PPP1CA: variants seen among roughly 807,000 people sequenced by gnomAD.
The protein encoded by PPP1CA is protein phosphatase 1 catalytic subunit alpha.
PPP1CA carries 14 observed loss-of-function variants against 38.5 expected under a neutral mutation model. That is an observed-to-expected ratio of 0.36 (90% CI 0.24 to 0.57). The LOEUF (loss-of-function observed/expected upper bound fraction) is 0.57, where lower values mean the gene tolerates loss of function less well. PPP1CA is among the 20% of genes least tolerant of loss of function. The pLI is 0.80. For missense variants in PPP1CA, 277 were observed against 435.2 expected, an observed-to-expected ratio of 0.64 and a Z score of 3.23; for synonymous variants, 200 against 177.3, an observed-to-expected ratio of 1.13 and a Z score of -1.02.
chr11:67,401,257 C>T (rs1862882686), intron 1 of PPP1CA, 58 bp from the exon 2 acceptor site: 1 of 1,604,672 alleles, frequency 6.2e-7, no homozygotes. Flanking sequence ...GTGGGCGACA[C>T]GGGTGGCCCC....
intron 1 of PPP1CA, 43 bp downstream of exon 1, chr11:67,401,685 G>C: frequency 7.4e-7 from 1 of 1,357,580 alleles, no homozygotes; most frequent in South Asian, 1.7e-5. Context: ...CCGGGCAGGG[G>C]GCCAGGGCGC....
chr11:67,399,021 G>C lies in PPP1CA; in HGVS notation c.666C>G (p.Gly222=). The part of the protein sequence containing the change: ...DVQGWGENDR[G]VSFTFGAEVV... ...CCTCGGCTCCAAAGGTAAAAGAGAC[G>C]CCACGGTCGTTCTCGCCCCAGCCCT... The change falls in exon 5 of 7, where the codon GGC becomes GGG. Residue 222 remains glycine (G), a synonymous_variant. Transcript: ENST00000376745. 6.2e-7 allele frequency: 1 copy of C among 1,613,494 alleles called. No homozygotes were observed.
chr11:67,401,787 G>GCGC lies in PPP1CA; in HGVS notation c.-8_-6dup. Reference sequence around the variant, plus strand: ...GAGCTTCTCGCTGTCGGACATGGCGGCGCCGCCGCTCCAGCCCAGCAGCTC... The same window carrying GCGC: ...GAGCTTCTCGCTGTCGGACATGGCGGCGCCGCCGCCGCTCCAGCCCAGCAGCTC... On this transcript the variant is annotated 5_prime_UTR_variant, in exon 1 of 7. Coordinates refer to ENST00000376745, the MANE Select transcript of PPP1CA (RefSeq NM_002708.4). The GCGC allele has an allele frequency of 6.8e-7, 1 of 1,467,456 alleles. No individual in the cohort carries two copies. The highest frequency in any genetic ancestry group is 9.1e-7 in the Non-Finnish European group (1 of 1,100,074). The allele number at this position is 1,467,456 out of a possible 1,614,324, so 90.9% of individuals were successfully genotyped here.
In PPP1CA at chr11:67,401,786, G is replaced by A. The variant is rs1205294449; in HGVS notation, c.-4C>T. On this transcript the variant is annotated 5_prime_UTR_variant, in exon 1 of 7. Transcript: ENST00000376745. Reference sequence around the variant, plus strand: ...TGAGCTTCTCGCTGTCGGACATGGCGGCGCCGCCGCTCCAGCCCAGCAGCT... The same window carrying A: ...TGAGCTTCTCGCTGTCGGACATGGCAGCGCCGCCGCTCCAGCCCAGCAGCT... The A allele has an allele frequency of 2.7e-6, 4 of 1,465,956 alleles. No individual in the cohort carries two copies. Among genetic ancestry groups the A allele is most frequent in the Non-Finnish European group, 3.6e-6 (4 of 1,099,084 alleles). 90.8% of individuals were successfully genotyped at this position (1,465,956 alleles called of 1,614,324 possible).
chr11:67,401,429 C>T, intron 1 of PPP1CA: 1 of 714,112 alleles, frequency 1.4e-6, no homozygotes, highest in East Asian at 2.7e-5. Flanking sequence ...GGGGCTGCCA[C>T]CAAAAACCTC....
intron 4 of PPP1CA, 44 bp downstream of exon 4, chr11:67,399,517 G>A (rs1258522516): frequency 1.9e-6 from 3 of 1,556,844 alleles, no homozygotes; most frequent in Non-Finnish European, 2.7e-6. Flanking sequence ...GGGTGCTGAG[G>A]GATGCGGCCA....
Position 67,398,557 on chromosome 11 carries a change from T to C in PPP1CA, c.971A>G (p.Asn324Ser). ...PGGRPITPPR[N>S]SAKAKK ...GGGCTATTTCTTGGCTTTGGCGGAA[T>C]TGCGGGGTGGGGTGATGGGTCGGCC... The change falls in exon 7 of 7, where the codon AAT (asparagine) becomes AGT (serine). Residue 324 changes from asparagine to serine, a missense_variant. This residue lies in a region of PPP1CA where 53 missense variants were observed against 51.1 expected (regional missense o/e 1.04). Coordinates refer to ENST00000376745, the MANE Select transcript of PPP1CA (RefSeq NM_002708.4). 6.2e-7 allele frequency: 1 copy of C among 1,614,010 alleles called. No individual in the cohort carries two copies. Among genetic ancestry groups the C allele is most frequent in the Non-Finnish European group, 8.5e-7 (1 of 1,179,958 alleles).
intron 4 of PPP1CA, 34 bp from the exon 5 acceptor site, chr11:67,399,197 A>G: frequency 6.3e-7 from 1 of 1,581,462 alleles, no homozygotes; most frequent in Middle Eastern, 1.7e-4. Flanking sequence ...TTCCTCAAAC[A>G]AGGACATCCT....
intron 1 of PPP1CA, chr11:67,401,513 GC>G: frequency 5.3e-6 from 3 of 561,354 alleles, no homozygotes; most frequent in South Asian, 2.9e-5. Context: ...CAACCCGTGC[GC>G]CCCCAGCCCG....
Position 67,398,303 on chromosome 11 carries a change from C to T in PPP1CA, c.*232G>A. On this transcript the variant is annotated 3_prime_UTR_variant, in exon 7 of 7. Coordinates refer to ENST00000376745, the MANE Select transcript of PPP1CA (RefSeq NM_002708.4). ...CCTGGCCTGCCGTTGCCCTGAGCTG[C>T]AGCCTCGGCCCCAGGATCCTGCTCA... 1 of 559,720 alleles carries T rather than the reference C, an allele frequency of 1.8e-6. No individual in the cohort carries two copies. The highest frequency in any genetic ancestry group is 3.1e-6 in the Non-Finnish European group (1 of 320,028). 34.7% of individuals were successfully genotyped at this position (559,720 alleles called of 1,614,324 possible).
Position 67,398,507 on chromosome 11 carries a change from A to G in PPP1CA, c.*28T>C, listed in dbSNP as rs1294875893. ...ATGATTTCTGTACAATCAATCCATCATCTGGGGCACAGGGTGGTGTGCGGG... is the reference window on the plus strand; with the variant it reads ...ATGATTTCTGTACAATCAATCCATCGTCTGGGGCACAGGGTGGTGTGCGGG... On this transcript the variant is annotated 3_prime_UTR_variant, in exon 7 of 7. Transcript: ENST00000376745. The G allele has an allele frequency of 1.2e-6, 2 of 1,602,592 alleles. No homozygotes were observed. Among genetic ancestry groups the G allele is most frequent in the East Asian group, 2.2e-5 (1 of 44,800 alleles).
chr11:67,401,739 C>A lies in PPP1CA; in HGVS notation c.44G>T (p.Arg15Leu), dbSNP rs774088798. ...EKLNLDSIIG[R>L]LLEVQGSRPG... ...CCGCCCCGACCAACCTTCCAGCAGG[C>A]GCCCGATGATCGAGTCCAGGTTGAG... is the stretch of plus-strand genomic sequence containing the variant. The change falls in exon 1 of 7, where the codon CGC (arginine) becomes CTC (leucine). Residue 15 changes from arginine to leucine, a missense_variant. Coordinates refer to ENST00000376745, the MANE Select transcript of PPP1CA (RefSeq NM_002708.4). 15 of 1,475,898 alleles carry A rather than the reference C, an allele frequency of 1.0e-5. No individual in the cohort carries two copies. Among genetic ancestry groups the A allele is most frequent in the Non-Finnish European group, 1.3e-5 (14 of 1,104,528 alleles). 91.4% of individuals were successfully genotyped at this position (1,475,898 alleles called of 1,614,324 possible).
rs572370907 is a variant in PPP1CA at position 67,401,530 on chromosome 11, G to T, written c.55+198C>A. 1.1e-4 allele frequency: 62 copies of T among 548,008 alleles called. No homozygotes were observed. In the East Asian group the frequency reaches 1.2e-3, roughly 10 times the overall value. 33.9% of individuals were successfully genotyped at this position (548,008 alleles called of 1,614,324 possible). A position where few individuals can be genotyped will look rare whatever the true frequency, so the allele number is the denominator to read the frequency against. ...ACCCGTGCGCCCCCAGCCCGGGAGA[G>T]GGGGGGAGCTGCTCCGCGCGTCGGA... On this transcript the variant is annotated intron_variant, in intron 1 of 6. Coordinates refer to ENST00000376745, the MANE Select transcript of PPP1CA (RefSeq NM_002708.4).
At position 67,401,741 on chromosome 11, in the gene PPP1CA, C is replaced by A; in HGVS notation, c.42G>T (p.Gly14=). The part of the protein sequence containing the change: ...SEKLNLDSII[G]RLLEVQGSRP... ...GCCCCGACCAACCTTCCAGCAGGCG[C>A]CCGATGATCGAGTCCAGGTTGAGCT... is the stretch of plus-strand genomic sequence containing the variant. The change falls in exon 1 of 7, where the codon GGG becomes GGT. Residue 14 remains glycine (G), a synonymous_variant. Transcript: ENST00000376745. 6.8e-7 allele frequency: 1 copy of A among 1,477,926 alleles called. No individual in the cohort carries two copies. 91.6% of individuals were successfully genotyped at this position (1,477,926 alleles called of 1,614,324 possible).
chr11:67,401,346 A>T (rs987676950), intron 1 of PPP1CA, 147 bp from the exon 2 acceptor site: 1 of 1,380,578 alleles, frequency 7.2e-7, no homozygotes, highest in Non-Finnish European at 9.8e-7. Flanking sequence ...GCCTCCCGGG[A>T]CCGCGGCCTC....
chr11:67,398,421 C>A lies in PPP1CA; in HGVS notation c.*114G>T. 1 of 1,025,938 alleles carries A rather than the reference C, an allele frequency of 9.7e-7. No individual in the cohort carries two copies. The highest frequency in any genetic ancestry group is 1.4e-6 in the Non-Finnish European group (1 of 696,498). 63.6% of individuals were successfully genotyped at this position (1,025,938 alleles called of 1,614,324 possible). On this transcript the variant is annotated 3_prime_UTR_variant, in exon 7 of 7. Transcript: ENST00000376745. Reference sequence around the variant, plus strand: ...AAGAAAAGAAAAATACACCAAGGCTCCATGTTCCCCGTGACAGGTGGGCCT... The same window carrying A: ...AAGAAAAGAAAAATACACCAAGGCTACATGTTCCCCGTGACAGGTGGGCCT...
Position 67,398,252 on chromosome 11 carries a change from G to A in PPP1CA, c.*283C>T, listed in dbSNP as rs1034046428. The A allele has an allele frequency of 5.3e-5, 25 of 470,208 alleles. No individual in the cohort carries two copies. The highest frequency in any genetic ancestry group is 8.4e-5 in the Non-Finnish European group (22 of 263,310). The allele number at this position is 470,208 out of a possible 1,614,324, so 29.1% of individuals were successfully genotyped here. A position where few individuals can be genotyped will look rare whatever the true frequency, so the allele number is the denominator to read the frequency against. On this transcript the variant is annotated 3_prime_UTR_variant, in exon 7 of 7. Transcript: ENST00000376745. The stretch of plus-strand genomic sequence containing the variant: ...CCCAGGATCCGGCTGCCAGCCCTGA[G>A]GCCAAGCACGGCTGGAGACCCACGA...
chr11:67,398,582 C>A lies in PPP1CA; in HGVS notation c.946G>T (p.Gly316Cys), dbSNP rs1862795764. 6.2e-7 allele frequency: 1 copy of A among 1,614,114 alleles called. No individual in the cohort carries two copies. The highest frequency in any genetic ancestry group is 2.2e-5 in the East Asian group (1 of 44,880). ...TTGCGGGGTGGGGTGATGGGTCGGC[C>A]TCCAGGGTTCAGGCCACTGAACTGC... is the stretch of plus-strand genomic sequence containing the variant. ...YGQFSGLNPG[G>C]RPITPPRNSA... Residue 316 changes from glycine to cysteine, a missense_variant, in exon 7 of 7, where the codon GGC becomes TGC. Transcript: ENST00000376745.
At chr11:67,401,587 G>T (rs902091359) in intron 1 of PPP1CA, 141 bp downstream of exon 1, 1 of 737,722 alleles carries the variant, frequency 1.4e-6, no homozygotes, top group Non-Finnish European at 1.9e-6. Flanking sequence ...CGCGTCCGCG[G>T]GGGGGCAGCT....
Sources: gnomAD v4.1 joint callset for allele counts on GRCh38, gnomAD v4.1.1 for gene constraint, gnomAD v4.1.1 regional missense constraint, MANE v1.5 for transcripts, NCBI Gene and HGNC (gene_info 2026-07-23, HGNC 2026-07-21) for gene names.